CFAP20DC: variants seen among roughly 807,000 people sequenced by gnomAD.
CFAP20DC encodes the protein CFAP20 domain containing, also known as protein CFAP20DC.
In CFAP20DC, 84 loss-of-function variants were observed where a neutral mutation model predicts 101.7. That is an observed-to-expected ratio of 0.83 (90% CI 0.69 to 0.99). CFAP20DC has a LOEUF of 0.99. CFAP20DC is among the 50% of genes least tolerant of loss of function. CFAP20DC has a pLI of 0.00. For missense variants in CFAP20DC, 1,007 were observed against 970.3 expected (o/e 1.04, Z -0.50); for synonymous variants, 359 against 351.2 (o/e 1.02, Z -0.25).
chr3:58,771,906 T>C (rs2070883887), intron 15 of CFAP20DC, among the ~76,000 whole-genome samples: 1 of 152,202 alleles, frequency 6.6e-6, no homozygotes, highest in Non-Finnish European at 1.5e-5. Flanking sequence ...AGCCCTTCTT[T>C]GAGTCTTAAT....
chr3:58,884,090 A>T (rs1380261236), intron 7 of CFAP20DC, among the ~76,000 whole-genome samples: 2 of 152,106 alleles, frequency 1.3e-5, no homozygotes, highest in Non-Finnish European at 2.9e-5. Flanking sequence ...ATCTGGTGAG[A>T]CTGGGCCTGC....
In CFAP20DC at chr3:58,864,669, G is replaced by A. The variant is rs1023750589; in HGVS notation, c.1259-777C>T. Among the ~76,000 whole-genome samples the A allele has an allele frequency of 5.3e-5, 8 of 152,130 alleles. No homozygotes were observed. The highest frequency in any genetic ancestry group is 1.9e-4 in the East Asian group (1 of 5,192). On this transcript the variant is annotated intron_variant, in intron 11 of 16. Coordinates refer to ENST00000482387, the MANE Select transcript of CFAP20DC (RefSeq NM_001394063.1). This position sits in a 1 kb window ranked among gnomAD's most constrained non-coding sequence, Gnocchi z 4.7. Reference sequence around the variant, plus strand: ...TCAGATTACAAATCATGGAGGAGAGGAAGCCATGACAAGGTTGGCAGTCAT... The same window carrying A: ...TCAGATTACAAATCATGGAGGAGAGAAAGCCATGACAAGGTTGGCAGTCAT...
intron 15 of CFAP20DC, among the ~76,000 whole-genome samples, chr3:58,767,634 T>C (rs994916497): frequency 1.4e-4 from 22 of 152,208 alleles, no homozygotes; most frequent in Admixed American, 1.2e-3. Flanking sequence ...CTTCAAGCGA[T>C]TCTCCCACCT....
chr3:58,862,568 G>C (rs1246901432), intron 12 of CFAP20DC: 1 of 985,242 alleles, frequency 1.0e-6, no homozygotes, highest in Non-Finnish European at 1.2e-6. Flanking sequence ...AAAAAACCCA[G>C]AATTACTGCT....
intron 5 of CFAP20DC, among the ~76,000 whole-genome samples, chr3:58,929,049 C>G (rs1029931356): frequency 6.6e-6 from 1 of 152,128 alleles, no homozygotes; most frequent in African/African-American, 2.4e-5. Flanking sequence ...AGTTTAAATA[C>G]TAAATTGTTT....
chr3:59,026,451 A>G (rs6783793), intron 4 of CFAP20DC, among the ~76,000 whole-genome samples: 30,656 of 152,126 alleles, frequency 0.2, 3,215 homozygotes, highest in African/African-American at 0.25. Context: ...AGCAACCACT[A>G]TTTTCTTTAA....
intron 14 of CFAP20DC, among the ~76,000 whole-genome samples, chr3:58,830,395 C>T (rs1023293521): frequency 1.3e-5 from 2 of 152,130 alleles, no homozygotes; most frequent in African/African-American, 4.8e-5. Flanking sequence ...ATCTGATTCA[C>T]TTTACTCAAG....
At chr3:58,809,201 C>T (rs2087309418) in intron 14 of CFAP20DC, among the ~76,000 whole-genome samples, 1 of 152,060 alleles carries the variant, frequency 6.6e-6, no homozygotes, top group South Asian at 2.1e-4. Flanking sequence ...ACCAAGCGGA[C>T]CTAATAGACA....
intron 4 of CFAP20DC, among the ~76,000 whole-genome samples, chr3:59,020,916 C>G (rs1472848177): frequency 6.6e-6 from 1 of 152,090 alleles, no homozygotes. Context: ...TAATGTGAGA[C>G]AGCTATGTAT....
chr3:58,879,412 G>A (rs775565395), intron 7 of CFAP20DC, among the ~76,000 whole-genome samples: 1 of 152,190 alleles, frequency 6.6e-6, no homozygotes, highest in Non-Finnish European at 1.5e-5. Context: ...AGGGTTCAGT[G>A]CTTAGAACGC....
In CFAP20DC at chr3:58,870,204, C is replaced by G. The variant is rs1448368612; in HGVS notation, c.821G>C (p.Gly274Ala). ...SKVLGPPPLS[G>A]RRNNMKISSE... ...GGATATCTTCATGTTATTCCTTCTGCCAGAGAGTGGAGGTGGCCCAAGAAC... is the reference window on the plus strand; with the variant it reads ...GGATATCTTCATGTTATTCCTTCTGGCAGAGAGTGGAGGTGGCCCAAGAAC... The change falls in exon 8 of 17, where the codon GGC (glycine) becomes GCC (alanine). Residue 274 changes from glycine to alanine, a missense_variant. Transcript: ENST00000482387. 6.2e-7 allele frequency: 1 copy of G among 1,613,948 alleles called. No homozygotes were observed. Among genetic ancestry groups the G allele is most frequent in the African/African-American group, 1.3e-5 (1 of 74,874 alleles).
intron 4 of CFAP20DC, among the ~76,000 whole-genome samples, chr3:58,959,354 A>C (rs957822022): frequency 6.6e-6 from 1 of 152,226 alleles, no homozygotes; most frequent in Non-Finnish European, 1.5e-5. Flanking sequence ...TCAGCCTCCC[A>C]AAGTGTTGGG....
chr3:58,954,410 C>A (rs1042105686), intron 4 of CFAP20DC, among the ~76,000 whole-genome samples: 1 of 152,104 alleles, frequency 6.6e-6, no homozygotes, highest in African/African-American at 2.4e-5. Context: ...TTCTTTAAGC[C>A]AAAATGGTTT....
chr3:58,888,623 A>C (rs564249770), intron 6 of CFAP20DC, among the ~76,000 whole-genome samples: 1 of 152,222 alleles, frequency 6.6e-6, no homozygotes, highest in South Asian at 2.1e-4. Flanking sequence ...ACGTGTTCTC[A>C]TCATTCAGCT....
chr3:58,747,752 A>C (rs1023857855), intron 16 of CFAP20DC, among the ~76,000 whole-genome samples: 1 of 152,166 alleles, frequency 6.6e-6, no homozygotes, highest in Non-Finnish European at 1.5e-5. Flanking sequence ...GGGTGCTTGC[A>C]AACTCTACCA....
intron 4 of CFAP20DC, among the ~76,000 whole-genome samples, chr3:58,946,911 A>G (rs1485741575): frequency 6.6e-6 from 1 of 152,226 alleles, no homozygotes; most frequent in Non-Finnish European, 1.5e-5. Context: ...TACCTGTGTT[A>G]TCTCATTTAT....
At chr3:58,771,835 T>TGA (rs2070876663) in intron 15 of CFAP20DC, among the ~76,000 whole-genome samples, 1 of 152,190 alleles carries the variant, frequency 6.6e-6, no homozygotes, top group South Asian at 2.1e-4. Flanking sequence ...TTTCCTGTTG[T>TGA]CTTGTCACAT....
In CFAP20DC at chr3:58,964,413, CT is replaced by C. The variant is rs1346460500; in HGVS notation, c.279-26652del. ...TTCCTTATCACTCATGCACACAACC[CT>C]TTTCATGAATATTCATAGCTCCCCC... On this transcript the variant is annotated intron_variant, in intron 4 of 16. Transcript: ENST00000482387. This position sits in a 1 kb window ranked among gnomAD's most constrained non-coding sequence, Gnocchi z 4.1. Among the ~76,000 whole-genome samples, 1 of 152,208 alleles carries C rather than the reference CT, an allele frequency of 6.6e-6. No homozygotes were observed. Among genetic ancestry groups the C allele is most frequent in the Non-Finnish European group, 1.5e-5 (1 of 68,028 alleles).
chr3:58,804,255 T>C (rs1223990795), intron 15 of CFAP20DC, among the ~76,000 whole-genome samples: 1 of 152,164 alleles, frequency 6.6e-6, no homozygotes, highest in Non-Finnish European at 1.5e-5. Context: ...TACTATGTTA[T>C]AGAATTAGGA....
Sources: gnomAD v4.1 joint callset for allele counts (sites outside exome capture counted in the v4.1 genomes callset) on GRCh38, gnomAD v4.1.1 for gene constraint, Gnocchi (gnomAD v3.1) non-coding constraint, MANE v1.5 for transcripts, NCBI Gene and HGNC (gene_info 2026-07-23, HGNC 2026-07-21) for gene names.